The following PCDH11Y variants were observed in gnomAD, a reference collection of about 807,000 sequenced individuals.
The protein encoded by PCDH11Y is protocadherin-11 Y-linked.
For synonymous variants in PCDH11Y, 9 were observed against 83.6 expected (o/e 0.11, Z 4.87); for missense variants, 12 against 224.8 (o/e 0.05, Z 6.05).
chrY:5,108,069 A>C, downstream of PCDH11Y, among the ~76,000 whole-genome samples: 2 of 25,662 alleles, frequency 7.8e-5, no homozygotes, highest in African/African-American at 3.2e-4. Context: ...AAAAAAAAAA[A>C]AAAAACAAAA....
At chrY:5,031,537 A>G (rs2563648) in intron 1 of PCDH11Y, among the ~76,000 whole-genome samples, 25 of 33,017 alleles carry the variant, frequency 7.6e-4, no homozygotes, top group African/African-American at 2.6e-3. Flanking sequence ...GCTTTAACAA[A>G]TCTGGCTTAA....
At chrY:5,107,635 C>A, downstream of PCDH11Y, among the ~76,000 whole-genome samples, 1 of 33,091 alleles carries the variant, frequency 3.0e-5, no homozygotes, top group Non-Finnish European at 7.4e-5. Flanking sequence ...CTTGCAAGTT[C>A]TCAGATATCT....
intron 2 of PCDH11Y, among the ~76,000 whole-genome samples, chrY:5,339,571 C>T: frequency 3.2e-5 from 1 of 31,556 alleles, no homozygotes; most frequent in Non-Finnish European, 7.6e-5. Flanking sequence ...TCAGGTGATC[C>T]GCCCTCCTCA....
intron 2 of PCDH11Y, among the ~76,000 whole-genome samples, chrY:5,496,762 A>G: frequency 3.2e-5 from 1 of 31,680 alleles, no homozygotes; most frequent in East Asian, 8.5e-4. Context: ...CATCACCTAC[A>G]TTAGGTATTT....
At chrY:5,107,911 T>C (rs1231238872), downstream of PCDH11Y, among the ~76,000 whole-genome samples, 5 of 31,360 alleles carry the variant, frequency 1.6e-4, no homozygotes, top group Non-Finnish European at 7.7e-5. Flanking sequence ...TACAAAAAAT[T>C]AGCCGGGCGT....
intron 3 of PCDH11Y, among the ~76,000 whole-genome samples, chrY:5,503,796 T>A: frequency 3.1e-5 from 1 of 32,517 alleles, no homozygotes; most frequent in Non-Finnish European, 7.6e-5. Flanking sequence ...CTAATACTGA[T>A]GATAAGGTAT....
At chrY:5,647,494 G>A in intron 4 of PCDH11Y, among the ~76,000 whole-genome samples, 1 of 33,449 alleles carries the variant, frequency 3.0e-5, no homozygotes, top group Non-Finnish European at 7.4e-5. Context: ...TGAGTCCTAA[G>A]TTGTTTTATT....
At chrY:5,139,270 A>G in intron 2 of PCDH11Y, among the ~76,000 whole-genome samples, 1 of 33,564 alleles carries the variant, frequency 3.0e-5, no homozygotes, top group Admixed American at 2.7e-4. Flanking sequence ...TGTGACAAAC[A>G]CATAGCCAGC....
At chrY:5,326,468 G>A in intron 2 of PCDH11Y, among the ~76,000 whole-genome samples, 1 of 32,735 alleles carries the variant, frequency 3.1e-5, no homozygotes, top group Admixed American at 2.8e-4. Context: ...CTGAGAGGTG[G>A]GCTAGTGGCT....
chrY:5,426,726 G>T, intron 2 of PCDH11Y, among the ~76,000 whole-genome samples: 2 of 32,391 alleles, frequency 6.2e-5, no homozygotes, highest in Admixed American at 5.7e-4. Flanking sequence ...GTGGGAAAAA[G>T]GTTTTGACTA....
chrY:5,517,136 T>G, intron 3 of PCDH11Y, among the ~76,000 whole-genome samples: 1 of 33,473 alleles, frequency 3.0e-5, no homozygotes, highest in South Asian at 6.5e-4. Context: ...TCAAGTTTCC[T>G]TGTAAGATTT....
chrY:5,539,881 C>T, intron 3 of PCDH11Y, among the ~76,000 whole-genome samples: 3 of 32,247 alleles, frequency 9.3e-5, no homozygotes, highest in Admixed American at 5.8e-4. Flanking sequence ...TATTCAAAAG[C>T]GACCTTGGAG....
chrY:5,548,336 T>C, intron 3 of PCDH11Y, among the ~76,000 whole-genome samples: 1 of 31,224 alleles, frequency 3.2e-5, no homozygotes, highest in Non-Finnish European at 7.8e-5. Context: ...GAAGACTGGC[T>C]CTCCAAAATA....
At chrY:5,370,000 T>C (rs2124673051) in intron 2 of PCDH11Y, among the ~76,000 whole-genome samples, 1 of 32,973 alleles carries the variant, frequency 3.0e-5, no homozygotes. Context: ...CAAATGAACA[T>C]AACCTGTAGA....
chrY:5,640,618 G>A (rs2053522562), intron 4 of PCDH11Y, among the ~76,000 whole-genome samples: 1 of 32,193 alleles, frequency 3.1e-5, no homozygotes, highest in Non-Finnish European at 7.6e-5. Context: ...TTTCTCAGCC[G>A]CAGATCTAAA....
intron 2 of PCDH11Y, among the ~76,000 whole-genome samples, chrY:5,375,919 G>A (rs1602914881): frequency 6.2e-5 from 2 of 32,407 alleles, no homozygotes; most frequent in East Asian, 8.1e-4. Context: ...CATATAAACC[G>A]TTATACTTCT....
intron 1 of PCDH11Y, among the ~76,000 whole-genome samples, chrY:5,061,228 TA>T (rs2052674997): frequency 3.1e-5 from 1 of 32,772 alleles, no homozygotes; most frequent in East Asian, 8.1e-4. Flanking sequence ...AGTTGCCACT[TA>T]AAAAAGAATC....
intron 3 of PCDH11Y, among the ~76,000 whole-genome samples, chrY:5,501,636 A>C (rs1602935109): frequency 3.1e-5 from 1 of 32,069 alleles, no homozygotes; most frequent in Non-Finnish European, 7.6e-5. Context: ...TATTTTTATT[A>C]GAGATAAAAA....
chrY:5,603,970 AAAGC>A (rs2053476787), intron 4 of PCDH11Y, among the ~76,000 whole-genome samples: 1 of 32,435 alleles, frequency 3.1e-5, no homozygotes, highest in African/African-American at 1.2e-4. Context: ...AGAGAGAGAG[AAAGC>A]AAGCAAGCAA....
Sources: gnomAD v4.1 joint callset for allele counts (sites outside exome capture counted in the v4.1 genomes callset) on GRCh38, gnomAD v4.1.1 for gene constraint, MANE v1.5 for transcripts, NCBI Gene and HGNC (gene_info 2026-07-23, HGNC 2026-07-21) for gene names.